CPM: variants seen among roughly 807,000 people sequenced by gnomAD.
CPM encodes the protein carboxypeptidase M.
In CPM, 35 loss-of-function variants were observed where a neutral mutation model predicts 46.4. That is an observed-to-expected ratio of 0.75 (90% confidence interval 0.58 to 1.00). CPM has a LOEUF of 1.00. Among genes scored for constraint, CPM ranks in the 50% least tolerant of loss-of-function variants. The probability of loss-of-function intolerance (pLI) is 0.00; values close to 1 mark genes in which losing one functional copy is unlikely to be tolerated. For synonymous variants in CPM, 195 were observed against 195.3 expected, an observed-to-expected ratio of 1.00 and a Z score of 0.01; for missense variants, 422 against 530.4, an observed-to-expected ratio of 0.80 and a Z score of 2.01.
At chr12:68,875,352 C>T (rs924717588) in intron 3 of CPM, among the ~76,000 whole-genome samples, 8 of 109,040 alleles carry the variant, frequency 7.3e-5, no homozygotes, top group African/African-American at 2.3e-4. Flanking sequence ...AGGACTCCAC[C>T]TCAAAAAAAA....
intron 2 of CPM, among the ~76,000 whole-genome samples, chr12:68,907,225 A>T (rs956053469): frequency 1.3e-5 from 2 of 152,236 alleles, no homozygotes; most frequent in Non-Finnish European, 2.9e-5. Context: ...ACCCTGCCTC[A>T]TGAAGGCTCA....
chr12:68,928,561 G>A (rs1385926647), intron 2 of CPM, among the ~76,000 whole-genome samples: 1 of 152,158 alleles, frequency 6.6e-6, no homozygotes, highest in East Asian at 1.9e-4. Context: ...GAGTTGCTGA[G>A]ATCGAAATAA....
Position 68,853,016 on chromosome 12 carries a change from G to C in CPM, c.*3421C>G, listed in dbSNP as rs1884793870. The C allele has an allele frequency of 6.6e-6, 1 of 152,332 alleles. No homozygotes were observed. 9.4% of individuals were successfully genotyped at this position (152,332 alleles called of 1,614,324 possible). ...GGAGGGGAAAAGCCGGAAAGGCGTT[G>C]GGCAGGGAGGTGGCTTGGGTACCTG... On this transcript the variant is annotated 3_prime_UTR_variant, in exon 9 of 9. Coordinates refer to ENST00000551568, the MANE Select transcript of CPM (RefSeq NM_198320.5).
intron 1 of CPM, among the ~76,000 whole-genome samples, chr12:68,953,636 TC>T (rs1283740584): frequency 6.6e-6 from 1 of 152,176 alleles, no homozygotes; most frequent in African/African-American, 2.4e-5. Flanking sequence ...CCAGACAAGC[TC>T]AGTCCCTGCC....
chr12:68,901,414 T>A (rs1887107281), intron 2 of CPM, among the ~76,000 whole-genome samples: 1 of 152,230 alleles, frequency 6.6e-6, no homozygotes, highest in African/African-American at 2.4e-5. Context: ...CACAGTCTGC[T>A]TCTCTCTGAT....
At chr12:68,927,535 G>C (rs1226236063) in intron 2 of CPM, among the ~76,000 whole-genome samples, 1 of 152,018 alleles carries the variant, frequency 6.6e-6, no homozygotes, top group Non-Finnish European at 1.5e-5. Context: ...TCTGATGGTA[G>C]TTTCTTTTGC....
intron 1 of CPM, among the ~76,000 whole-genome samples, chr12:68,962,860 T>C (rs1370315292): frequency 6.6e-6 from 1 of 152,238 alleles, no homozygotes; most frequent in Non-Finnish European, 1.5e-5. Context: ...TTTCAACCAA[T>C]TGCAAATCAG....
At chr12:68,938,427 CA>C in intron 1 of CPM, among the ~76,000 whole-genome samples, 1 of 151,692 alleles carries the variant, frequency 6.6e-6, no homozygotes, top group East Asian at 1.9e-4. Flanking sequence ...AACCCCAAAA[CA>C]ATCAAACAAA....
At chr12:68,924,091 C>T (rs1429311208) in intron 2 of CPM, among the ~76,000 whole-genome samples, 1 of 147,450 alleles carries the variant, frequency 6.8e-6, no homozygotes, top group Non-Finnish European at 1.5e-5. Context: ...AGGAGGATCA[C>T]TTGAGCTCAG....
Position 68,843,909 on chromosome 12 carries a change from TAGA to T in CPM, c.534-1583_534-1581del, listed in dbSNP as rs1390842692. On this transcript the variant is annotated intron_variant, in intron 5 of 5. Coordinates refer to the CPM transcript ENST00000551897. Reference sequence around the variant, plus strand: ...TGATAATATTTCAGCTAGAACCTAGTAGAATCTGTTTTTTTCCTTTGGAGGTCC... The same window carrying T: ...TGATAATATTTCAGCTAGAACCTAGTATCTGTTTTTTTCCTTTGGAGGTCC... The T allele has an allele frequency of 6.1e-5, 13 of 213,218 alleles. No homozygotes were observed. In the East Asian group the frequency reaches 9.2e-4, roughly 15 times the overall value. 13.2% of individuals were successfully genotyped at this position (213,218 alleles called of 1,614,324 possible). A position where few individuals can be genotyped will look rare whatever the true frequency, so the allele number is the denominator to read the frequency against.
In CPM at chr12:68,856,081, T is replaced by G. The variant is rs1476457887; in HGVS notation, c.*356A>C. On this transcript the variant is annotated 3_prime_UTR_variant, in exon 9 of 9. Coordinates refer to ENST00000551568, the MANE Select transcript of CPM (RefSeq NM_198320.5). ...AAGATCAATAAATGTTCATCTTCATTGCTTATATTCATCCGGTTCTCTGTA... is the reference window on the plus strand; with the variant it reads ...AAGATCAATAAATGTTCATCTTCATGGCTTATATTCATCCGGTTCTCTGTA... The G allele has an allele frequency of 4.4e-6, 1 of 225,162 alleles. No homozygotes were observed. Among genetic ancestry groups the G allele is most frequent in the Non-Finnish European group, 8.8e-6 (1 of 113,148 alleles). 13.9% of individuals were successfully genotyped at this position (225,162 alleles called of 1,614,324 possible).
At chr12:68,917,811 A>G (rs1466263271) in intron 2 of CPM, among the ~76,000 whole-genome samples, 2 of 152,168 alleles carry the variant, frequency 1.3e-5, no homozygotes, top group Admixed American at 6.5e-5. Flanking sequence ...AGCTCCCTTG[A>G]CCAGCTCTGA....
Position 68,842,509 on chromosome 12 carries a change from A to G in CPM, c.534-180T>C, listed in dbSNP as rs558456326. The G allele has an allele frequency of 6.8e-5, 26 of 383,054 alleles. No individual in the cohort carries two copies. The East Asian group carries it at 1.3e-3, about 19-fold the overall frequency. 23.7% of individuals were successfully genotyped at this position (383,054 alleles called of 1,614,324 possible). ...TCACTCCGATGAAAGGTGATTACAA[A>G]ATCATCTACATTGCTGTCTACAAAA... On this transcript the variant is annotated intron_variant, in intron 5 of 5. Transcript: ENST00000551897.
intron 2 of CPM, among the ~76,000 whole-genome samples, chr12:68,900,390 T>C (rs1450455719): frequency 1.3e-5 from 2 of 152,144 alleles, no homozygotes; most frequent in Non-Finnish European, 2.9e-5. Context: ...CAACACCAAA[T>C]ACTGGCGAGG....
At chr12:68,909,648 A>G (rs1206998214) in intron 2 of CPM, among the ~76,000 whole-genome samples, 2 of 152,180 alleles carry the variant, frequency 1.3e-5, no homozygotes, top group African/African-American at 4.8e-5. Flanking sequence ...ATGGAATACT[A>G]TTCAGCCATA....
intron 3 of CPM, among the ~76,000 whole-genome samples, chr12:68,882,024 C>CTT (rs60522842): frequency 0.11 from 13,350 of 123,910 alleles, 1,190 homozygotes; most frequent in Admixed American, 0.12. Flanking sequence ...GCCCGGCCTG[C>CTT]TTTTTTTTTT....
At chr12:68,858,072 T>A (rs1296318286) in intron 8 of CPM, among the ~76,000 whole-genome samples, 1 of 152,210 alleles carries the variant, frequency 6.6e-6, no homozygotes, top group Non-Finnish European at 1.5e-5. Flanking sequence ...TCTATAGTTT[T>A]ATAAACTAAA....
intron 3 of CPM, among the ~76,000 whole-genome samples, chr12:68,885,178 C>A (rs1204887302): frequency 6.6e-6 from 1 of 152,184 alleles, no homozygotes; most frequent in Non-Finnish European, 1.5e-5. Context: ...CTACTGACCT[C>A]AAGTGATCTA....
chr12:68,939,894 G>C (rs2136329802), intron 1 of CPM, among the ~76,000 whole-genome samples: 1 of 152,088 alleles, frequency 6.6e-6, no homozygotes, highest in East Asian at 1.9e-4. Flanking sequence ...GTATTAATGT[G>C]ACTGAACATT....
Sources: gnomAD v4.1 joint callset for allele counts (sites outside exome capture counted in the v4.1 genomes callset) on GRCh38, gnomAD v4.1.1 for gene constraint, MANE v1.5 for transcripts, NCBI Gene and HGNC (gene_info 2026-07-23, HGNC 2026-07-21) for gene names.